NRIP2: variants seen among roughly 807,000 people sequenced by gnomAD.
NRIP2 encodes nuclear receptor interacting protein 2.
Under a neutral mutation model 34.1 loss-of-function variants are expected in NRIP2, and 27 were observed. The observed-to-expected ratio is 0.79, with a 90% CI of 0.58 to 1.09. The LOEUF (loss-of-function observed/expected upper bound fraction) is 1.09, where lower values mean the gene tolerates loss of function less well. NRIP2 is among the 50% of genes least tolerant of loss of function. The pLI, the probability that NRIP2 is intolerant of heterozygous loss-of-function variation, is 0.00. For synonymous variants in NRIP2, 145 were observed against 146.9 expected, an observed-to-expected ratio of 0.99 and a Z score of 0.09; for missense variants, 385 against 352.6, an observed-to-expected ratio of 1.09 and a Z score of -0.74.
intron 1 of NRIP2, among the ~76,000 whole-genome samples, chr12:2,833,513 C>G (rs2098013512): frequency 6.6e-6 from 1 of 152,052 alleles, no homozygotes; most frequent in Non-Finnish European, 1.5e-5. Flanking sequence ...AGGTGCTGCA[C>G]TGGCCTTCAG....
At position 2,827,354 on chromosome 12, in the gene NRIP2, G is replaced by A. The variant is rs1208271497; in HGVS notation, c.754-55C>T. On this transcript the variant is annotated intron_variant, in intron 5 of 5. Transcript: ENST00000337508. This position sits in a 1 kb window ranked among gnomAD's most constrained non-coding sequence, Gnocchi z 4.0. ...CACCTCAGCCCGCCACCTGCCTCCC[G>A]GCCTGCTCCTTTTGTTCCCCCTCCC... is the stretch of plus-strand genomic sequence containing the variant. 5.7e-6 allele frequency: 9 copies of A among 1,567,834 alleles called. No individual in the cohort carries two copies. Among genetic ancestry groups the A allele is most frequent in the South Asian group, 1.2e-5 (1 of 85,680 alleles).
Position 2,825,867 on chromosome 12 carries a change from A to C in NRIP2, c.*1340T>G, listed in dbSNP as rs1212389092. 6.6e-6 allele frequency: 1 copy of C among 151,878 alleles called. No homozygotes were observed. Among genetic ancestry groups the C allele is most frequent in the Non-Finnish European group, 1.5e-5 (1 of 68,016 alleles). The allele number at this position is 151,878 out of a possible 1,614,324, so 9.4% of individuals were successfully genotyped here. A position where few individuals can be genotyped will look rare whatever the true frequency, so the allele number is the denominator to read the frequency against. ...AACCCCCATCTCCCAGGTTCAAGCA[A>C]CTCCTATGCCTCAGCCTTCCAAGTA... On this transcript the variant is annotated 3_prime_UTR_variant, in exon 6 of 6. Coordinates refer to ENST00000337508, the MANE Select transcript of NRIP2 (RefSeq NM_031474.3).
Position 2,834,629 on chromosome 12 carries a change from G to C in NRIP2, c.342+13C>G, listed in dbSNP as rs371288932. The C allele has an allele frequency of 2.5e-6, 4 of 1,570,094 alleles. No individual in the cohort carries two copies. In the African/African-American group the frequency reaches 5.4e-5, roughly 21 times the overall value. On this transcript the variant is annotated intron_variant, in intron 1 of 5. Transcript: ENST00000337508. ...GGCCAGGGGACGCTGGCAGGGGAGG[G>C]GTGATGCCTCACCAAGTCCTTGGAG...
rs1238362018 is a variant in NRIP2 at position 2,827,213 on chromosome 12, GC to G, written c.839del (p.Gly280AlafsTer17). On this transcript the variant is annotated frameshift_variant, in exon 6 of 6. Coordinates refer to ENST00000337508, the MANE Select transcript of NRIP2 (RefSeq NM_031474.3). LOFTEE classifies it high-confidence loss of function. The surrounding 1 kb of genome is among the most constrained non-coding windows in gnomAD (Gnocchi z 4.0). ...GGACTGACTGAGACAGCAGTCACTG[GC>G]CAGGCTCTTGGTACAAAGGCAGGAA... ...LPFLPLYQEP[G>X]Q 9 of 1,614,116 alleles carry G rather than the reference GC, an allele frequency of 5.6e-6. No individual in the cohort carries two copies. The highest frequency in any genetic ancestry group is 7.6e-6 in the Non-Finnish European group (9 of 1,180,004).
At chr12:2,829,722 A>G (rs1055290642) in intron 2 of NRIP2, among the ~76,000 whole-genome samples, 1 of 152,080 alleles carries the variant, frequency 6.6e-6, no homozygotes, top group South Asian at 2.1e-4. Context: ...AGCTCTGATC[A>G]TGCCACTACA....
chr12:2,827,919 G>C lies in NRIP2; in HGVS notation c.700+7C>G. The stretch of plus-strand genomic sequence containing the variant: ...GCACCAGGGCTGTTGCAGAAGGGGG[G>C]ACTTACCCACCACCTGTGCCGAGCA... On this transcript the variant is annotated splice_region_variant and intron_variant, in intron 4 of 5. Transcript: ENST00000337508. This position sits in a 1 kb window ranked among gnomAD's most constrained non-coding sequence, Gnocchi z 4.0. 1 of 1,613,948 alleles carries C rather than the reference G, an allele frequency of 6.2e-7. No individual in the cohort carries two copies. The highest frequency in any genetic ancestry group is 8.5e-7 in the Non-Finnish European group (1 of 1,180,026).
intron 2 of NRIP2, among the ~76,000 whole-genome samples, chr12:2,829,913 A>T (rs1267228231): frequency 1.3e-5 from 2 of 152,002 alleles, no homozygotes; most frequent in African/African-American, 4.8e-5. Flanking sequence ...CCCCATCTCT[A>T]CTAAAAATAC....
chr12:2,827,710 A>AG lies in NRIP2; in HGVS notation c.701-34dup. The AG allele has an allele frequency of 6.8e-6, 11 of 1,613,568 alleles. No homozygotes were observed. The highest frequency in any genetic ancestry group is 9.3e-6 in the Non-Finnish European group (11 of 1,180,020). On this transcript the variant is annotated intron_variant, in intron 4 of 5. Transcript: ENST00000337508. This position sits in a 1 kb window ranked among gnomAD's most constrained non-coding sequence, Gnocchi z 4.0. ...AACAATTTGAAAACAGAAGAGGCTG[A>AG]GGGTTCCCAGTGGTCACTGCTGCCC...
At chr12:2,832,790 C>G (rs540115072) in intron 1 of NRIP2, among the ~76,000 whole-genome samples, 3 of 149,892 alleles carry the variant, frequency 2.0e-5, no homozygotes, top group Admixed American at 6.7e-5. Flanking sequence ...TGACTCTTCC[C>G]CCAGGCTCTA....
At position 2,826,890 on chromosome 12, in the gene NRIP2, G is replaced by T; in HGVS notation, c.*317C>A. On this transcript the variant is annotated 3_prime_UTR_variant, in exon 6 of 6. Coordinates refer to ENST00000337508, the MANE Select transcript of NRIP2 (RefSeq NM_031474.3). ...AGCAGTCAGCAGAGCCTTCGACCCAGCCCAAGCAGGCACCCCATTGTGCTT... is the reference window on the plus strand; with the variant it reads ...AGCAGTCAGCAGAGCCTTCGACCCATCCCAAGCAGGCACCCCATTGTGCTT... 3 of 897,480 alleles carry T rather than the reference G, an allele frequency of 3.3e-6. No individual in the cohort carries two copies. Among genetic ancestry groups the T allele is most frequent in the African/African-American group, 1.8e-5 (1 of 55,876 alleles). 55.6% of individuals were successfully genotyped at this position (897,480 alleles called of 1,614,324 possible).
At chr12:2,833,688 G>T (rs746064807) in intron 1 of NRIP2, among the ~76,000 whole-genome samples, 4 of 152,128 alleles carry the variant, frequency 2.6e-5, no homozygotes, top group Non-Finnish European at 5.9e-5. Context: ...CGGGTCAGAG[G>T]CCAGGAATAT....
chr12:2,833,620 G>C (rs1210244048), intron 1 of NRIP2, among the ~76,000 whole-genome samples: 1 of 152,158 alleles, frequency 6.6e-6, no homozygotes, highest in Non-Finnish European at 1.5e-5. Context: ...CAGACTAGGA[G>C]AGGGGACAGG....
intron 1 of NRIP2, among the ~76,000 whole-genome samples, chr12:2,833,508 C>T (rs1003729132): frequency 6.6e-6 from 1 of 152,002 alleles, no homozygotes; most frequent in Non-Finnish European, 1.5e-5. Flanking sequence ...AGGCGAGGTG[C>T]TGCACTGGCC....
At chr12:2,833,285 C>G (rs146279602) in intron 1 of NRIP2, among the ~76,000 whole-genome samples, 5 of 152,062 alleles carry the variant, frequency 3.3e-5, no homozygotes, top group Non-Finnish European at 4.4e-5. Context: ...CCATTGAGAG[C>G]CGAAGAACCC....
chr12:2,828,611 G>A (rs905006558), intron 2 of NRIP2, among the ~76,000 whole-genome samples, 197 bp from the exon 3 acceptor site: 4 of 152,170 alleles, frequency 2.6e-5, no homozygotes, highest in Non-Finnish European at 5.9e-5. Context: ...AGGCCGAGGC[G>A]GGTGGATCAC....
rs544280200 is a variant in NRIP2, at chr12:2,827,304, G to A, written c.754-5C>T. On this transcript the variant is annotated splice_polypyrimidine_tract_variant and splice_region_variant and intron_variant, in intron 5 of 5. Coordinates refer to ENST00000337508, the MANE Select transcript of NRIP2 (RefSeq NM_031474.3). The surrounding 1 kb of genome is among the most constrained non-coding windows in gnomAD (Gnocchi z 4.0). ...GTGCTCCAGGTCGATGCAGCACTGC[G>A]GGGTGTAGAGCAGTCATGCCAGGTC... 1.3e-4 allele frequency: 209 copies of A among 1,612,708 alleles called. No individual in the cohort carries two copies. The South Asian group carries it at 1.7e-3, about 13-fold the overall frequency.
chr12:2,828,736 G>A (rs143356826), intron 2 of NRIP2, among the ~76,000 whole-genome samples: 4,398 of 152,214 alleles, frequency 0.029, 197 homozygotes, highest in African/African-American at 0.1. Flanking sequence ...CAGCTACTCG[G>A]GAGGCTGAGG....
rs1336293521 is a variant in NRIP2, at chr12:2,834,663, C to CCT, written c.319_320dup (p.Leu108GlyfsTer13). On this transcript the variant is annotated frameshift_variant, in exon 1 of 6. Coordinates refer to ENST00000337508, the MANE Select transcript of NRIP2 (RefSeq NM_031474.3). LOFTEE classifies it high-confidence loss of function. ...TCACCAAGTCCTTGGAGGTGCCGAGCCTCTTGAGGCTGTCCAGCGGGAGCA... is the reference window on the plus strand; with the variant it reads ...TCACCAAGTCCTTGGAGGTGCCGAGCCTCTCTTGAGGCTGTCCAGCGGGAGCA... 1 of 1,602,018 alleles carries CCT rather than the reference C, an allele frequency of 6.2e-7. No homozygotes were observed. Among genetic ancestry groups the CCT allele is most frequent in the African/African-American group, 1.3e-5 (1 of 74,536 alleles).
Position 2,834,900 on chromosome 12 carries a change from TC to T in NRIP2, c.83del (p.Gly28GlufsTer8). The T allele has an allele frequency of 6.2e-7, 1 of 1,613,876 alleles. No individual in the cohort carries two copies. Among genetic ancestry groups the T allele is most frequent in the East Asian group, 2.2e-5 (1 of 44,848 alleles). Reference protein sequence around the residue: ...ESCSTGQRQAGRSREDSVTPP... With the variant: ...ESCSTGQRQAXRSREDSVTPP... The stretch of plus-strand genomic sequence containing the variant: ...GCGTCACCGAGTCCTCTCTGCTTCT[TC>T]CTGCCTGTCTCTGTCCCGTGCTGCA... On this transcript the variant is annotated frameshift_variant, in exon 1 of 6. Transcript: ENST00000337508. LOFTEE classifies it high-confidence loss of function.
Sources: allele counts gnomAD v4.1 joint callset (sites outside exome capture counted in the v4.1 genomes callset), GRCh38; gene constraint gnomAD v4.1.1; non-coding constraint Gnocchi (gnomAD v3.1); transcripts MANE v1.5; gene names NCBI Gene and HGNC (gene_info 2026-07-23, HGNC 2026-07-21).